Variants in SLC44A5 observed in about 807,000 individuals in gnomAD.
SLC44A5 encodes the protein solute carrier family 44 member 5, also known as choline transporter-like protein 5.
In SLC44A5, 57 loss-of-function variants were observed where a neutral mutation model predicts 101.8. The observed-to-expected ratio is 0.56, with a 90% CI of 0.45 to 0.70. The LOEUF (loss-of-function observed/expected upper bound fraction) is 0.70. Ranked by LOEUF, SLC44A5 falls within the 30% of genes least tolerant of loss-of-function variation. The probability of loss-of-function intolerance (pLI) is 0.00; values close to 1 mark genes in which losing one functional copy is unlikely to be tolerated. For synonymous variants in SLC44A5, 281 were observed against 290.9 expected, an observed-to-expected ratio of 0.97 and a Z score of 0.35; for missense variants, 737 against 853.1, an observed-to-expected ratio of 0.86 and a Z score of 1.70.
chr1:75,686,792 T>C, the SLC44A5 span, among the ~76,000 whole-genome samples: 2 of 152,224 alleles, frequency 1.3e-5, no homozygotes, highest in African/African-American at 4.8e-5. Flanking sequence ...TTACTGTGGA[T>C]AGCTACCATG....
chr1:75,461,524 G>A (rs1249294616), intron 2 of SLC44A5, among the ~76,000 whole-genome samples: 1 of 152,162 alleles, frequency 6.6e-6, no homozygotes, highest in Non-Finnish European at 1.5e-5. Flanking sequence ...AGTCAACCAA[G>A]TCACCAAATT....
At chr1:75,714,387 AAG>A in the SLC44A5 span, among the ~76,000 whole-genome samples, 1 of 152,180 alleles carries the variant, frequency 6.6e-6, no homozygotes, top group Middle Eastern at 3.2e-3. Flanking sequence ...TCAAAACAAT[AAG>A]AGTCATCTAT....
At chr1:75,343,502 A>G (rs2101043900) in intron 3 of SLC44A5, among the ~76,000 whole-genome samples, 1 of 152,306 alleles carries the variant, frequency 6.6e-6, no homozygotes. Context: ...AAAGAAAATG[A>G]CAATATAACT....
At chr1:75,328,195 C>T (rs541107011) in intron 4 of SLC44A5, among the ~76,000 whole-genome samples, 2 of 152,316 alleles carry the variant, frequency 1.3e-5, no homozygotes, top group East Asian at 1.9e-4. Context: ...TATTTTCCCA[C>T]TCTCTTGCCA....
rs549443282 is a variant in SLC44A5, at chr1:75,387,090, C to T, written c.52+9493G>A. Among the ~76,000 whole-genome samples the T allele has an allele frequency of 3.9e-5, 6 of 152,244 alleles. No homozygotes were observed. In the South Asian group the frequency reaches 1.0e-3, roughly 26 times the overall value. On this transcript the variant is annotated intron_variant, in intron 3 of 23. Coordinates refer to ENST00000370859, the MANE Select transcript of SLC44A5 (RefSeq NM_001130058.2). ...TGGATTAAAGACTTACAAGTTAGAC[C>T]TAAAACCATAAAAATCCTAGAAGAA...
At chr1:75,659,443 G>GGGAA in the SLC44A5 span, among the ~76,000 whole-genome samples, 254 of 61,106 alleles carry the variant, frequency 4.2e-3, 6 homozygotes, top group East Asian at 0.018. Context: ...GAGGGAGGGA[G>GGGAA]GGAAGGAAGG....
intron 2 of SLC44A5, among the ~76,000 whole-genome samples, chr1:75,473,832 A>G (rs1667239470): frequency 6.6e-6 from 1 of 152,136 alleles, no homozygotes; most frequent in African/African-American, 2.4e-5. Context: ...ACTTTGTCCA[A>G]TAGCAAATTT....
chr1:75,624,968 T>C, the SLC44A5 span, among the ~76,000 whole-genome samples: 1 of 152,132 alleles, frequency 6.6e-6, no homozygotes, highest in Non-Finnish European at 1.5e-5. Flanking sequence ...ACCATTTTTA[T>C]TCTACTGTGT....
intron 3 of SLC44A5, among the ~76,000 whole-genome samples, chr1:75,347,962 C>T (rs968168351): frequency 5.9e-5 from 9 of 151,992 alleles, no homozygotes; most frequent in Non-Finnish European, 1.3e-4. Flanking sequence ...TTATATTCTG[C>T]ATAGATTTGG....
intron 1 of SLC44A5, among the ~76,000 whole-genome samples, chr1:75,569,625 C>A (rs1237502445): frequency 6.6e-6 from 1 of 152,050 alleles, no homozygotes; most frequent in East Asian, 1.9e-4. Flanking sequence ...AGGTAGAATT[C>A]ACGTATAACT....
chr1:75,291,999 G>A (rs1192596628), intron 5 of SLC44A5, among the ~76,000 whole-genome samples: 9 of 142,068 alleles, frequency 6.3e-5, no homozygotes, highest in South Asian at 2.4e-4. Flanking sequence ...GTGACAGAGC[G>A]AGACTCTGTC....
At chr1:75,508,777 G>T (rs1452813587) in intron 2 of SLC44A5, among the ~76,000 whole-genome samples, 1 of 148,872 alleles carries the variant, frequency 6.7e-6, no homozygotes, top group Non-Finnish European at 1.5e-5. Flanking sequence ...CTTTATGTAA[G>T]AAAAGGTTAC....
intron 1 of SLC44A5, among the ~76,000 whole-genome samples, chr1:75,579,467 C>A (rs752113300): frequency 6.6e-6 from 1 of 152,034 alleles, no homozygotes; most frequent in Non-Finnish European, 1.5e-5. Context: ...AATAAATAAA[C>A]AAAATGTAAG....
chr1:75,468,387 T>C (rs376831522), intron 2 of SLC44A5, among the ~76,000 whole-genome samples: 20 of 152,200 alleles, frequency 1.3e-4, no homozygotes, highest in African/African-American at 4.8e-4. Context: ...GTTGTAGCGC[T>C]CTTCACGATA....
intron 1 of SLC44A5, among the ~76,000 whole-genome samples, chr1:75,583,854 T>C (rs1009219662): frequency 2.0e-5 from 3 of 152,134 alleles, no homozygotes; most frequent in African/African-American, 7.2e-5. Flanking sequence ...TCTGCCTCCC[T>C]TCCCTCTAAA....
Position 75,587,765 on chromosome 1 carries a change from C to A in SLC44A5, c.-70+23275G>T, listed in dbSNP as rs552534854. On this transcript the variant is annotated intron_variant, in intron 1 of 23. Transcript: ENST00000370859. ...CTTTCACAGTCAAGAGCAGGACAAA[C>A]AACCAGTTGTGACCTTCCCTTTTTC... is the stretch of plus-strand genomic sequence containing the variant. Among the ~76,000 whole-genome samples the A allele has an allele frequency of 9.8e-5, 15 of 152,320 alleles. 1 individual carries two copies. The South Asian group carries it at 2.9e-3, about 29-fold the overall frequency.
chr1:75,224,389 G>A (rs1647153838), intron 13 of SLC44A5, among the ~76,000 whole-genome samples: 1 of 152,170 alleles, frequency 6.6e-6, no homozygotes, highest in African/African-American at 2.4e-5. Flanking sequence ...AAAGTTATCT[G>A]TAAAATAGCT....
chr1:75,302,589 T>G (rs2100874060), intron 4 of SLC44A5, among the ~76,000 whole-genome samples: 1 of 152,324 alleles, frequency 6.6e-6, no homozygotes, highest in East Asian at 1.9e-4. Flanking sequence ...GTATTTTGTT[T>G]TTTCCTATAC....
the SLC44A5 span, among the ~76,000 whole-genome samples, chr1:75,700,333 G>C: frequency 2.6e-3 from 397 of 152,174 alleles, 3 homozygotes; most frequent in African/African-American, 9.0e-3. Flanking sequence ...AATCAAACTA[G>C]AACTCAGGAT....
Sources: allele counts gnomAD v4.1 joint callset (sites outside exome capture counted in the v4.1 genomes callset), GRCh38; gene constraint gnomAD v4.1.1; transcripts MANE v1.5; gene names NCBI Gene and HGNC (gene_info 2026-07-23, HGNC 2026-07-21).